Variants in DCAF1 observed in about 807,000 individuals in gnomAD.
The protein encoded by DCAF1 is DDB1- and CUL4-associated factor 1.
A neutral mutation model predicts 128.0 loss-of-function variants in DCAF1; 15 were observed. That is an observed-to-expected ratio of 0.12 (90% CI 0.08 to 0.18). The LOEUF is 0.18. Among genes scored for constraint, DCAF1 ranks in the 10% least tolerant of loss-of-function variants. The pLI is 1.00. For missense variants in DCAF1, 988 were observed against 1,649.5 expected, an observed-to-expected ratio of 0.60 and a Z score of 6.95; for synonymous variants, 610 against 603.0, an observed-to-expected ratio of 1.01 and a Z score of -0.17.
Position 51,403,322 on chromosome 3 carries a change from G to A in DCAF1, c.4286C>T (p.Thr1429Ile). The change falls in exon 24 of 25, where the codon ACT (threonine) becomes ATT (isoleucine). Residue 1429 changes from threonine (T) to isoleucine (I), a missense_variant. Thr to Ile is a moderately conservative substitution (Grantham distance 89). This residue lies in a region of DCAF1 where 97 missense variants were observed against 134.5 expected (regional missense o/e 0.72). Transcript: ENST00000684031. ...CAACTCCGCCTCCAGCAACTGGTCAGTGTCAAGCTCATCTAAATCATCGGT... is the reference window on the plus strand; with the variant it reads ...CAACTCCGCCTCCAGCAACTGGTCAATGTCAAGCTCATCTAAATCATCGGT... Reference protein sequence around the residue: ...DDTDDLDELDTDQLLEAELEE... With the variant: ...DDTDDLDELDIDQLLEAELEE... 1 of 1,569,132 alleles carries A rather than the reference G, an allele frequency of 6.4e-7. No individual in the cohort carries two copies.
At chr3:51,408,363 G>C (rs1408787881) in intron 23 of DCAF1, among the ~76,000 whole-genome samples, 1 of 152,200 alleles carries the variant, frequency 6.6e-6, no homozygotes, top group Non-Finnish European at 1.5e-5. Context: ...AAATTCAAAG[G>C]TGTTGGTCAC....
chr3:51,454,010 A>G (rs1017478527), intron 6 of DCAF1, among the ~76,000 whole-genome samples: 5 of 152,018 alleles, frequency 3.3e-5, no homozygotes, highest in African/African-American at 1.2e-4. Context: ...AAATTCTTAA[A>G]GCTAAGATAG....
At chr3:51,435,902 G>A (rs1388823468) in intron 9 of DCAF1, among the ~76,000 whole-genome samples, 7 of 152,170 alleles carry the variant, frequency 4.6e-5, no homozygotes, top group African/African-American at 1.7e-4. Flanking sequence ...CCAAGTGGTA[G>A]TAAAATAAGC....
intron 23 of DCAF1, among the ~76,000 whole-genome samples, chr3:51,409,746 A>G (rs1293946429): frequency 1.3e-5 from 2 of 152,214 alleles, no homozygotes; most frequent in African/African-American, 4.8e-5. Flanking sequence ...AATGTGAAAA[A>G]GTAGGCATTA....
intron 4 of DCAF1, 58 bp downstream of exon 4, chr3:51,470,871 T>C (rs1553648178): frequency 7.7e-7 from 1 of 1,303,166 alleles, no homozygotes; most frequent in East Asian, 2.4e-5. Flanking sequence ...ACCCTCGCTT[T>C]AATAAAAGTG....
chr3:51,459,586 C>G (rs1703311374), intron 6 of DCAF1, among the ~76,000 whole-genome samples: 1 of 152,172 alleles, frequency 6.6e-6, no homozygotes, highest in Admixed American at 6.6e-5. Context: ...ATACCAAAGC[C>G]TGGCAAAGAC....
chr3:51,396,119 T>G (rs549159717), downstream of DCAF1: 2 of 407,544 alleles, frequency 4.9e-6, no homozygotes, highest in East Asian at 3.6e-5. Flanking sequence ...AGTCCAAAAC[T>G]TCTTCTCTGG....
intron 23 of DCAF1, among the ~76,000 whole-genome samples, chr3:51,410,521 A>AACTAGCTAAATCT (rs1553628135): frequency 9.2e-5 from 14 of 152,148 alleles, no homozygotes; most frequent in African/African-American, 2.7e-4. Context: ...CTAAATCTCA[A>AACTAGCTAAATCT]CAAAACACTC....
rs57761983 is a variant in DCAF1, at chr3:51,477,166, G to A, written c.111-6161C>T. On this transcript the variant is annotated intron_variant, in intron 3 of 24. Coordinates refer to ENST00000684031, the MANE Select transcript of DCAF1 (RefSeq NM_001387579.1). ...AGAATCAAGTCAAAGGCTAATAAAA[G>A]GATGAATTCAAGTTACAAAATGACA... 4.4e-3 allele frequency among the ~76,000 whole-genome samples: 664 copies of A among 152,064 alleles called. 4 individuals are homozygous for A. Among genetic ancestry groups the A allele is most frequent in the African/African-American group, 0.015 (632 of 41,480 alleles).
intron 20 of DCAF1, among the ~76,000 whole-genome samples, 163 bp downstream of exon 20, chr3:51,413,787 A>C (rs1318680721): frequency 6.6e-6 from 1 of 152,228 alleles, no homozygotes; most frequent in Non-Finnish European, 1.5e-5. Flanking sequence ...CATTATTTTC[A>C]TATCTTTTGT....
intron 9 of DCAF1, among the ~76,000 whole-genome samples, chr3:51,439,148 T>G (rs1701123690): frequency 6.6e-6 from 1 of 152,118 alleles, no homozygotes; most frequent in African/African-American, 2.4e-5. Flanking sequence ...GTTTTGTTTT[T>G]TTCAGAGACA....
intron 23 of DCAF1, among the ~76,000 whole-genome samples, chr3:51,411,939 C>T (rs1698459755): frequency 1.3e-5 from 2 of 151,686 alleles, no homozygotes; most frequent in South Asian, 4.2e-4. Context: ...GGTGAAACCC[C>T]GTCTCTACTA....
At chr3:51,443,976 C>T in intron 6 of DCAF1, 73 bp from the exon 7 acceptor site, 1 of 1,430,798 alleles carries the variant, frequency 7.0e-7, no homozygotes, top group Non-Finnish European at 9.4e-7. Context: ...GCAAAGATTT[C>T]AGTCTCATGA....
chr3:51,410,847 C>T (rs942267961), intron 23 of DCAF1, among the ~76,000 whole-genome samples: 6 of 152,196 alleles, frequency 3.9e-5, no homozygotes, highest in South Asian at 2.1e-4. Flanking sequence ...TCCAGAGCAC[C>T]TCTGTGCCCT....
intron 15 of DCAF1, among the ~76,000 whole-genome samples, chr3:51,419,113 C>T (rs1699161157): frequency 6.6e-6 from 1 of 152,110 alleles, no homozygotes; most frequent in Admixed American, 6.5e-5. Context: ...ATAATCCTAG[C>T]ACTTTGGGAG....
At chr3:51,473,778 G>A (rs1705079102) in intron 3 of DCAF1, among the ~76,000 whole-genome samples, 2 of 151,270 alleles carry the variant, frequency 1.3e-5, no homozygotes. Context: ...TGGGATTACA[G>A]GCATTGAGCC....
chr3:51,415,815 G>A (rs571686950), intron 18 of DCAF1, among the ~76,000 whole-genome samples: 3 of 151,758 alleles, frequency 2.0e-5, no homozygotes, highest in African/African-American at 4.8e-5. Context: ...GGCTGGTCTC[G>A]AACTCCTGGC....
intron 2 of DCAF1, among the ~76,000 whole-genome samples, chr3:51,489,963 T>C (rs1301739413): frequency 2.6e-5 from 4 of 151,944 alleles, no homozygotes; most frequent in African/African-American, 4.8e-5. Context: ...ATTATTAGAA[T>C]AAATGAATTC....
At chr3:51,468,121 T>C (rs17051802) in intron 4 of DCAF1, among the ~76,000 whole-genome samples, 3,262 of 152,306 alleles carry the variant, frequency 0.021, 122 homozygotes, top group African/African-American at 0.074. Flanking sequence ...ATCAACTCAA[T>C]GCATAGCCTA....
Sources: gnomAD v4.1 joint callset for allele counts (sites outside exome capture counted in the v4.1 genomes callset) on GRCh38, gnomAD v4.1.1 for gene constraint, gnomAD v4.1.1 regional missense constraint, MANE v1.5 for transcripts, NCBI Gene and HGNC (gene_info 2026-07-23, HGNC 2026-07-21) for gene names.